Variants in CEP290 observed in about 807,000 individuals in gnomAD.
The protein encoded by CEP290 is centrosomal protein 290.
CEP290 carries 317 observed loss-of-function variants against 344.9 expected under a neutral mutation model. That is an observed-to-expected ratio of 0.92 (90% CI 0.84 to 1.01). The LOEUF (loss-of-function observed/expected upper bound fraction) is 1.01. Ranked by LOEUF, CEP290 falls within the 50% of genes least tolerant of loss-of-function variation. The pLI, the probability that CEP290 is intolerant of heterozygous loss-of-function variation, is 0.00. For missense variants in CEP290, 2,754 were observed against 2,761.4 expected (o/e 1.00, Z 0.06); for synonymous variants, 932 against 895.8 (o/e 1.04, Z -0.72).
chr12:88,104,996 AT>A (rs1159158376), intron 25 of CEP290, among the ~76,000 whole-genome samples: 2 of 152,144 alleles, frequency 1.3e-5, no homozygotes, highest in Non-Finnish European at 2.9e-5. Flanking sequence ...ATATATACAT[AT>A]TTTTCTAACT....
intron 49 of CEP290, among the ~76,000 whole-genome samples, chr12:88,056,137 CA>C: frequency 6.6e-6 from 1 of 151,684 alleles, no homozygotes; most frequent in Non-Finnish European, 1.5e-5. Flanking sequence ...GGTAGGAAAA[CA>C]CTAAGGGAGA....
intron 51 of CEP290, 91 bp downstream of exon 51, chr12:88,054,249 G>A (rs2033813513): frequency 2.5e-6 from 2 of 804,888 alleles, no homozygotes; most frequent in Non-Finnish European, 3.9e-6. Context: ...AAAAATGCTT[G>A]TCTCTAGTTG....
Position 88,141,403 on chromosome 12 carries a change from AT to A in CEP290, c.-27-70del, listed in dbSNP as rs575179850. On this transcript the variant is annotated intron_variant, in intron 1 of 53. Transcript: ENST00000552810. ...TATTATTGGTTTTCTAGCACCTTACATTTTTTGCAGATTATTTCATTATAAC... is the reference window on the plus strand; with the variant it reads ...TATTATTGGTTTTCTAGCACCTTACATTTTTGCAGATTATTTCATTATAAC... 5.2e-4 allele frequency: 365 copies of A among 704,784 alleles called. 3 individuals carry two copies. The African/African-American group carries it at 6.2e-3, about 12-fold the overall frequency. The allele number at this position is 704,784 out of a possible 1,614,324, so 43.7% of individuals were successfully genotyped here.
chr12:88,128,232 C>T (rs1264696103), intron 11 of CEP290, among the ~76,000 whole-genome samples: 1 of 152,074 alleles, frequency 6.6e-6, no homozygotes, highest in Admixed American at 6.6e-5. Context: ...ATTCTATAGG[C>T]CTTATTTCCA....
At chr12:88,092,646 C>A in intron 29 of CEP290, 35 bp downstream of exon 29, 1 of 1,569,884 alleles carries the variant, frequency 6.4e-7, no homozygotes, top group African/African-American at 1.4e-5. Context: ...GAAGATACAT[C>A]TAGTCAAATG....
intron 30 of CEP290, 106 bp downstream of exon 30, chr12:88,090,622 C>A: frequency 1.4e-6 from 1 of 721,272 alleles, no homozygotes. Context: ...AGAATGAGAC[C>A]CTATCTCGAA....
chr12:88,106,445 T>C (rs552423018), intron 25 of CEP290, among the ~76,000 whole-genome samples: 1 of 152,320 alleles, frequency 6.6e-6, no homozygotes, highest in African/African-American at 2.4e-5. Flanking sequence ...ATAATAAAGT[T>C]ACTATGGTTA....
At chr12:88,137,965 G>A (rs977741870) in intron 5 of CEP290, among the ~76,000 whole-genome samples, 18 of 152,140 alleles carry the variant, frequency 1.2e-4, no homozygotes, top group African/African-American at 4.3e-4. Context: ...AAAATGCACT[G>A]GGAATTTAAG....
Position 88,136,111 on chromosome 12 carries a change from G to A in CEP290, c.441+532C>T, listed in dbSNP as rs569580288. The A allele has an allele frequency of 3.3e-5, 5 of 152,082 alleles. No individual in the cohort carries two copies. In the South Asian group the frequency reaches 1.0e-3, roughly 32 times the overall value. The allele number at this position is 152,082 out of a possible 1,614,324, so 9.4% of individuals were successfully genotyped here. On this transcript the variant is annotated intron_variant, in intron 6 of 53. Transcript: ENST00000552810. ...ATTAAAAATGTTATTTTAAATATGT[G>A]ATTTATAAACTGCTGACATGAACAC...
intron 44 of CEP290, among the ~76,000 whole-genome samples, chr12:88,065,092 A>AT (rs1206302167): frequency 6.6e-6 from 1 of 151,702 alleles, no homozygotes; most frequent in Admixed American, 6.6e-5. Flanking sequence ...TTTTCTATGC[A>AT]TTTTTTCTAT....
intron 27 of CEP290, among the ~76,000 whole-genome samples, chr12:88,096,206 G>A (rs902479647): frequency 1.1e-4 from 17 of 151,954 alleles, no homozygotes; most frequent in African/African-American, 3.4e-4. Context: ...CTGCCACCAC[G>A]CCTGGCTAAT....
rs2038710351 is a variant in CEP290 at position 88,111,796 on chromosome 12, A to G, written c.2115T>C (p.Val705=). 1 of 1,606,932 alleles carries G rather than the reference A, an allele frequency of 6.2e-7. No homozygotes were observed. The highest frequency in any genetic ancestry group is 8.5e-7 in the Non-Finnish European group (1 of 1,176,986). ...FDASLHLKAQ[V]DQLTGRNEEL... is the part of the protein sequence containing the mutation. The stretch of plus-strand genomic sequence containing the variant: ...CTTCATTTCTTCCGGTAAGCTGATC[A>G]ACTTGGGCTTTCAAATGCAGACTCG... Residue 705 remains valine (V), a synonymous_variant, in exon 21 of 54, where the codon GTT becomes GTC. Transcript: ENST00000552810.
chr12:88,066,697 G>A (rs904881424), intron 44 of CEP290, among the ~76,000 whole-genome samples: 8 of 151,190 alleles, frequency 5.3e-5, no homozygotes, highest in Non-Finnish European at 7.4e-5. Flanking sequence ...GCCCAGTCTG[G>A]AGTGCAATAG....
Position 88,055,652 on chromosome 12 carries a change from T to C in CEP290, c.6884A>G (p.Asp2295Gly). ...TGCTTCTTTTACAAGCTGTTTAAGG[T>C]CAGTAATGCTTTGATTTTTTTTGGC... ...DIAKKNQSIT[D>G]LKQLVKEATE... Residue 2295 changes from aspartate to glycine, a missense_variant, in exon 50 of 54, where the codon GAC becomes GGC. Physicochemically the swap from Asp to Gly is moderately conservative, Grantham distance 94. Coordinates refer to ENST00000552810, the MANE Select transcript of CEP290 (RefSeq NM_025114.4). 6.4e-7 allele frequency: 1 copy of C among 1,565,450 alleles called. No homozygotes were observed. Among genetic ancestry groups the C allele is most frequent in the Non-Finnish European group, 8.7e-7 (1 of 1,155,124 alleles).
At chr12:88,112,563 A>G (rs983533591) in intron 20 of CEP290, among the ~76,000 whole-genome samples, 14 of 152,166 alleles carry the variant, frequency 9.2e-5, no homozygotes, top group African/African-American at 3.4e-4. Context: ...ATATACACAC[A>G]ATGCACACAT....
chr12:88,108,086 T>C (rs2137644362), intron 23 of CEP290, among the ~76,000 whole-genome samples: 1 of 152,192 alleles, frequency 6.6e-6, no homozygotes, highest in East Asian at 1.9e-4. Context: ...CATAAATTCT[T>C]GTGAATTTAA....
chr12:88,094,063 A>G, intron 27 of CEP290, 88 bp from the exon 28 acceptor site: 2 of 1,015,406 alleles, frequency 2.0e-6, no homozygotes, highest in Non-Finnish European at 2.8e-6. Flanking sequence ...AGAAAGCATT[A>G]TAGTTCCATG....
chr12:88,103,695 A>G (rs1437794141), intron 25 of CEP290: 1 of 152,110 alleles, frequency 6.6e-6, no homozygotes, highest in African/African-American at 2.4e-5. Context: ...AGAATGATGA[A>G]AGCTGAGAAG....
At chr12:88,131,248 G>C in intron 6 of CEP290, 30 bp from the exon 7 acceptor site, 3 of 1,407,748 alleles carry the variant, frequency 2.1e-6, no homozygotes, top group Non-Finnish European at 1.9e-6. Context: ...AAATAAATAA[G>C]AAGAAGATAA....
Sources: gnomAD v4.1 joint callset for allele counts (sites outside exome capture counted in the v4.1 genomes callset) on GRCh38, gnomAD v4.1.1 for gene constraint, MANE v1.5 for transcripts, NCBI Gene and HGNC (gene_info 2026-07-23, HGNC 2026-07-21) for gene names.